Variants in ATP6V0E2 observed in about 807,000 individuals in gnomAD.
ATP6V0E2 encodes the protein V-type proton ATPase subunit e 2.
Under a neutral mutation model 11.5 loss-of-function variants are expected in ATP6V0E2, and 4 were observed. The observed-to-expected ratio is 0.35, with a 90% CI of 0.17 to 0.80. ATP6V0E2 has a LOEUF of 0.80. ATP6V0E2 is among the 30% of genes least tolerant of loss of function. The pLI, the probability that ATP6V0E2 is intolerant of heterozygous loss-of-function variation, is 0.53. For missense variants in ATP6V0E2, 93 were observed against 113.5 expected (o/e 0.82, Z 0.82); for synonymous variants, 52 against 51.0 (o/e 1.02, Z -0.09).
At chr7:149,874,295 C>G (rs1462528229) in intron 1 of ATP6V0E2, 126 bp downstream of exon 1, 2 of 1,259,354 alleles carry the variant, frequency 1.6e-6, no homozygotes, top group Non-Finnish European at 2.1e-6. Flanking sequence ...GCCAGGACCC[C>G]GGACGCCACC....
chr7:149,873,883 G>C, upstream of ATP6V0E2: 1 of 1,488,696 alleles, frequency 6.7e-7, no homozygotes, highest in Non-Finnish European at 8.9e-7. Flanking sequence ...CTCCTAGGCA[G>C]GTCCTGAGTG....
At chr7:149,877,153 GGAGCTGGGATGACAGGTGCAC>G (rs1803197024) in intron 2 of ATP6V0E2, among the ~76,000 whole-genome samples, 3 of 152,032 alleles carry the variant, frequency 2.0e-5, no homozygotes, top group Admixed American at 1.3e-4. Flanking sequence ...GCCTCCCCAA[GGAGCTGGGATGACAGGTGCAC>G]ACCATTGCAC....
chr7:149,879,474 T>C lies in ATP6V0E2; in HGVS notation c.*159T>C. The C allele has an allele frequency of 6.3e-7, 1 of 1,594,426 alleles. No homozygotes were observed. Among genetic ancestry groups the C allele is most frequent in the South Asian group, 1.1e-5 (1 of 87,682 alleles). ...CCCGGACCCGCAGGGCCTGCCTGGT[T>C]CCTGGAAGTCTTCCCAGTCTTCCCA... On this transcript the variant is annotated 3_prime_UTR_variant, in exon 4 of 4. Coordinates refer to ENST00000425642, the MANE Select transcript of ATP6V0E2 (RefSeq NM_145230.4).
chr7:149,873,561 A>C, upstream of ATP6V0E2: 1 of 198,110 alleles, frequency 5.0e-6, no homozygotes, highest in Non-Finnish European at 1.0e-5. Context: ...GCGTCTCTGA[A>C]AGCGAGGCCG....
At chr7:149,878,840 T>TGTGCTTAGAGTTCTTG in intron 3 of ATP6V0E2, 50 bp downstream of exon 3, 1 of 1,158,546 alleles carries the variant, frequency 8.6e-7, no homozygotes, top group Non-Finnish European at 1.2e-6. Context: ...AAGACAAGGC[T>TGTGCTTAGAGTTCTTG]TTCCCACACC....
chr7:149,873,930 C>T (rs1361199003), upstream of ATP6V0E2: 1 of 1,525,706 alleles, frequency 6.6e-7, no homozygotes, highest in South Asian at 1.3e-5. Flanking sequence ...TGCGCGTGCG[C>T]GGCCCGGCCC....
In ATP6V0E2 at chr7:149,873,987, G is replaced by C. The variant is rs1324160933; in HGVS notation, c.-79G>C. The stretch of plus-strand genomic sequence containing the variant: ...GACTCCTGTTGCGCATGCTCAGCGC[G>C]CTGCCCGGCTGGGGACCCGCGCACC... On this transcript the variant is annotated 5_prime_UTR_variant, in exon 1 of 4. Coordinates refer to ENST00000425642, the MANE Select transcript of ATP6V0E2 (RefSeq NM_145230.4). The C allele has an allele frequency of 3.2e-6, 5 of 1,544,132 alleles. No homozygotes were observed. The South Asian group carries it at 4.8e-5, about 15-fold the overall frequency.
intron 2 of ATP6V0E2, 61 bp from the exon 3 acceptor site, chr7:149,878,617 T>A: frequency 1.3e-5 from 20 of 1,497,594 alleles, no homozygotes; most frequent in East Asian, 2.3e-5. Context: ...GACCGAGGCC[T>A]CCCCTGGGTG....
chr7:149,878,560 A>G, intron 2 of ATP6V0E2, 118 bp from the exon 3 acceptor site: 1 of 795,090 alleles, frequency 1.3e-6, no homozygotes, highest in South Asian at 1.9e-5. Flanking sequence ...TCACCCTGGG[A>G]ACACAGGCCC....
intron 2 of ATP6V0E2, among the ~76,000 whole-genome samples, chr7:149,877,759 C>T (rs1202785498): frequency 1.3e-5 from 2 of 152,154 alleles, no homozygotes; most frequent in African/African-American, 4.8e-5. Flanking sequence ...ATCCCAAATA[C>T]CAACTGAATC....
At chr7:149,877,081 G>GGGTCTTGTCAAGACCCCT (rs71531655) in intron 2 of ATP6V0E2, among the ~76,000 whole-genome samples, 91,182 of 151,748 alleles carry the variant, frequency 0.6, 28,125 homozygotes, top group African/African-American at 0.72. Flanking sequence ...GATTGAAATG[G>GGGTCTTGTCAAGACCCCT]GGTCTTGAGA....
chr7:149,875,795 G>T, intron 2 of ATP6V0E2, 150 bp downstream of exon 2: 1 of 812,192 alleles, frequency 1.2e-6, no homozygotes, highest in South Asian at 1.6e-5. Flanking sequence ...AGGTGGTGTG[G>T]AATGGGAAAG....
At chr7:149,877,714 G>A (rs1427289589) in intron 2 of ATP6V0E2, among the ~76,000 whole-genome samples, 1 of 152,036 alleles carries the variant, frequency 6.6e-6, no homozygotes, top group African/African-American at 2.4e-5. Context: ...GGCTGGGAGG[G>A]TGGGGGAGAC....
At chr7:149,875,540 C>G in intron 1 of ATP6V0E2, 58 bp from the exon 2 acceptor site, 1 of 1,576,840 alleles carries the variant, frequency 6.3e-7, no homozygotes, top group South Asian at 1.1e-5. Flanking sequence ...CTGGTCCTGG[C>G]CAGGCCTTGT....
upstream of ATP6V0E2, chr7:149,873,840 T>C: frequency 6.9e-7 from 1 of 1,442,262 alleles, no homozygotes; most frequent in East Asian, 2.5e-5. Flanking sequence ...TTTCTCTCTG[T>C]CCGCGGCCCT....
intron 2 of ATP6V0E2, among the ~76,000 whole-genome samples, chr7:149,876,858 G>A (rs1026036054): frequency 5.9e-5 from 9 of 152,222 alleles, no homozygotes; most frequent in African/African-American, 2.2e-4. Context: ...CATTCTTTAA[G>A]AGGTAACAGA....
chr7:149,876,159 C>A (rs939393140), intron 2 of ATP6V0E2: 1 of 452,228 alleles, frequency 2.2e-6, no homozygotes, highest in East Asian at 7.0e-5. Flanking sequence ...GGGTGGATCA[C>A]GAGGTCAGGA....
rs993395995 is a variant in ATP6V0E2 at position 149,874,250 on chromosome 7, C to T, written c.104+81C>T. On this transcript the variant is annotated intron_variant, in intron 1 of 3. Transcript: ENST00000425642. ...TCGCCCCTCCGCCCCGGGGCGGCGGCTTCCTGCTCTGCAGCGAGCGTCCGC... is the reference window on the plus strand; with the variant it reads ...TCGCCCCTCCGCCCCGGGGCGGCGGTTTCCTGCTCTGCAGCGAGCGTCCGC... 3 of 1,452,410 alleles carry T rather than the reference C, an allele frequency of 2.1e-6. No homozygotes were observed. In the African/African-American group the frequency reaches 4.3e-5, roughly 21 times the overall value. The allele number at this position is 1,452,410 out of a possible 1,614,324, so 90.0% of individuals were successfully genotyped here.
intron 3 of ATP6V0E2, chr7:149,879,032 G>C (rs1803305791): frequency 7.6e-7 from 1 of 1,322,288 alleles, no homozygotes; most frequent in East Asian, 2.7e-5. Context: ...TGGGATTCAG[G>C]CATCTATTTA....
Sources: allele counts gnomAD v4.1 joint callset (sites outside exome capture counted in the v4.1 genomes callset), GRCh38; gene constraint gnomAD v4.1.1; transcripts MANE v1.5; gene names NCBI Gene and HGNC (gene_info 2026-07-23, HGNC 2026-07-21).